Variants in UBA5 observed in about 807,000 individuals in gnomAD.
UBA5 encodes ubiquitin-like modifier-activating enzyme 5.
In UBA5, 28 loss-of-function variants were observed where a neutral mutation model predicts 52.9. The observed-to-expected ratio is 0.53, with a 90% CI of 0.39 to 0.73. The LOEUF is 0.73. Ranked by LOEUF, UBA5 falls within the 30% of genes least tolerant of loss-of-function variation. UBA5 has a pLI of 0.00. For missense variants in UBA5, 388 were observed against 492.7 expected (o/e 0.79, Z 2.01); for synonymous variants, 135 against 162.1 (o/e 0.83, Z 1.27).
At chr3:132,671,163 GT>G in intron 6 of UBA5, 114 bp downstream of exon 6, 1 of 844,786 alleles carries the variant, frequency 1.2e-6, no homozygotes, top group Non-Finnish European at 1.9e-6. Flanking sequence ...CCTTTTCTGT[GT>G]TTTATTTGTA....
rs1164955324 is a variant in UBA5, at chr3:132,679,661, T to G, written c.*3135T>G. ...TAGTTTTTCCTTTTATCAGGGTTCT[T>G]CTAGAGTACTGGTCTCATTATTTTC... On this transcript the variant is annotated 3_prime_UTR_variant, in exon 12 of 12. Coordinates refer to ENST00000356232, the MANE Select transcript of UBA5 (RefSeq NM_024818.6). Among the ~76,000 whole-genome samples the G allele has an allele frequency of 6.6e-6, 1 of 152,210 alleles. No individual in the cohort carries two copies. The highest frequency in any genetic ancestry group is 1.5e-5 in the Non-Finnish European group (1 of 68,030).
intron 11 of UBA5, 47 bp downstream of exon 11, chr3:132,675,970 A>G: frequency 8.3e-7 from 1 of 1,211,596 alleles, no homozygotes; most frequent in Non-Finnish European, 1.2e-6. Context: ...CATATAAAAT[A>G]TTTATCATCT....
chr3:132,664,487 A>G (rs757035355), intron 1 of UBA5, among the ~76,000 whole-genome samples: 16 of 152,136 alleles, frequency 1.1e-4, no homozygotes, highest in African/African-American at 1.9e-4. Flanking sequence ...ACAGCAAGAG[A>G]GTAAGTTTAA....
At chr3:132,674,852 AT>A (rs1417975441) in intron 8 of UBA5, among the ~76,000 whole-genome samples, 1 of 152,234 alleles carries the variant, frequency 6.6e-6, no homozygotes, top group East Asian at 1.9e-4. Flanking sequence ...AAATGTTAAA[AT>A]TAAGTAGCTT....
rs1343574249 is a variant in UBA5 at position 132,672,191 on chromosome 3, A to G, written c.812+14A>G. On this transcript the variant is annotated intron_variant, in intron 8 of 11. Coordinates refer to ENST00000356232, the MANE Select transcript of UBA5 (RefSeq NM_024818.6). ...AAACGTGTTAAAGTAAGTCAGGGCT[A>G]ATTTTTCTGAATAGTCTTGTATGCT... is the stretch of plus-strand genomic sequence containing the variant. The G allele has an allele frequency of 6.2e-7, 1 of 1,611,430 alleles. No homozygotes were observed. The highest frequency in any genetic ancestry group is 1.1e-5 in the South Asian group (1 of 90,242).
upstream of UBA5, among the ~76,000 whole-genome samples, chr3:132,656,213 A>G (rs1057190591): frequency 1.3e-5 from 2 of 152,158 alleles, no homozygotes; most frequent in Non-Finnish European, 2.9e-5. Flanking sequence ...ACTGCAATTT[A>G]TTCATCCATT....
chr3:132,655,452 C>T (rs1284812062), upstream of UBA5, among the ~76,000 whole-genome samples: 1 of 152,202 alleles, frequency 6.6e-6, no homozygotes, highest in Non-Finnish European at 1.5e-5. Flanking sequence ...CTTGCTTACA[C>T]TACTTCAGGC....
intron 1 of UBA5, chr3:132,661,145 C>G: frequency 9.5e-7 from 1 of 1,051,120 alleles, no homozygotes; most frequent in Admixed American, 2.6e-5. Context: ...TATTCGGGTG[C>G]TCCTTAACAT....
Position 132,676,610 on chromosome 3 carries a change from G to A in UBA5, c.*84G>A. The A allele has an allele frequency of 1.1e-6, 1 of 943,078 alleles. No homozygotes were observed. The highest frequency in any genetic ancestry group is 1.6e-6 in the Non-Finnish European group (1 of 612,400). The allele number at this position is 943,078 out of a possible 1,614,324, so 58.4% of individuals were successfully genotyped here. ...AAAAAATTTTAACTGATAAAACTTAGGGCAACATTAATTAATGTATATTCT... is the reference window on the plus strand; with the variant it reads ...AAAAAATTTTAACTGATAAAACTTAAGGCAACATTAATTAATGTATATTCT... On this transcript the variant is annotated 3_prime_UTR_variant, in exon 12 of 12. Transcript: ENST00000356232. This position sits in a 1 kb window ranked among gnomAD's most constrained non-coding sequence, Gnocchi z 4.1.
intron 8 of UBA5, among the ~76,000 whole-genome samples, chr3:132,674,380 G>A (rs1000626486): frequency 6.6e-6 from 1 of 152,000 alleles, no homozygotes; most frequent in East Asian, 1.9e-4. Context: ...TTACTTTTGC[G>A]CCAACCTAAT....
Position 132,673,908 on chromosome 3 carries a change from G to A in UBA5, c.813-1340G>A, listed in dbSNP as rs113774998. On this transcript the variant is annotated intron_variant, in intron 8 of 11. Coordinates refer to ENST00000356232, the MANE Select transcript of UBA5 (RefSeq NM_024818.6). ...TTGAACTCCTGGGCTCGAGCAGTCT[G>A]CCCATATCGACCTTCTAAAGTGCTA... Among the ~76,000 whole-genome samples, 184 of 152,130 alleles carry A rather than the reference G, an allele frequency of 1.2e-3. 1 individual carries two copies. The highest frequency in any genetic ancestry group is 3.8e-3 in the African/African-American group (157 of 41,504).
chr3:132,676,504 T>A lies in UBA5; in HGVS notation c.1193T>A (p.Met398Lys), dbSNP rs763145207. 11 of 1,610,114 alleles carry A rather than the reference T, an allele frequency of 6.8e-6. No homozygotes were observed. The highest frequency in any genetic ancestry group is 6.8e-6 in the Non-Finnish European group (8 of 1,178,322). Residue 398 changes from methionine to lysine, a missense_variant, in exon 12 of 12, where the codon ATG (methionine) becomes AAG (lysine). By Grantham distance (95) the Met-to-Lys change is moderately conservative (BLOSUM62 -1). Around this residue, in one of 3 missense-constraint regions of UBA5, gnomAD observed 277 missense variants for 326.4 expected, o/e 0.85. Transcript: ENST00000356232. This position sits in a 1 kb window ranked among gnomAD's most constrained non-coding sequence, Gnocchi z 4.1. ...TCTGGTGAAAGCTTGGAAGACCTCA[T>A]GGCCAAAATGAAGAATATGTAGATA... The part of the protein sequence containing the change: ...EDSGESLEDL[M>K]AKMKNM
exon 1 of UBA5, chr3:132,654,609 G>C (rs1420820486): frequency 2.6e-5 from 4 of 152,210 alleles, no homozygotes; most frequent in African/African-American, 9.6e-5. Context: ...TGAGAACTCT[G>C]AGGCCTCCTT....
upstream of UBA5, chr3:132,659,588 G>T (rs758333344): frequency 2.1e-5 from 33 of 1,608,264 alleles, no homozygotes; most frequent in Non-Finnish European, 2.6e-5. Flanking sequence ...TGGAGGCAAA[G>T]GCTGACATCC....
chr3:132,662,708 G>C (rs1228844686), intron 1 of UBA5, among the ~76,000 whole-genome samples: 2 of 152,156 alleles, frequency 1.3e-5, no homozygotes, highest in East Asian at 3.8e-4. Context: ...TATGTGTTAT[G>C]GAATATAGTT....
At chr3:132,675,188 G>T in intron 8 of UBA5, 60 bp from the exon 9 acceptor site, 4 of 1,222,000 alleles carry the variant, frequency 3.3e-6, no homozygotes, top group South Asian at 3.1e-5. Context: ...AAAAATTTAG[G>T]TGTTCTAGTA....
upstream of UBA5, among the ~76,000 whole-genome samples, chr3:132,657,531 C>G (rs538388424): frequency 6.6e-6 from 1 of 152,296 alleles, no homozygotes; most frequent in East Asian, 1.9e-4. Context: ...AAAAAGTTTG[C>G]AATATTGAAT....
chr3:132,664,629 T>C (rs975006086), intron 1 of UBA5, among the ~76,000 whole-genome samples: 1 of 152,132 alleles, frequency 6.6e-6, no homozygotes, highest in Non-Finnish European at 1.5e-5. Context: ...GCCTAAGAAA[T>C]TGCATTTCTA....
At chr3:132,671,685 C>A (rs1360458130) in intron 6 of UBA5, 92 bp from the exon 7 acceptor site, 1 of 985,700 alleles carries the variant, frequency 1.0e-6, no homozygotes, top group Non-Finnish European at 1.5e-6. Flanking sequence ...TTTTAAAAGA[C>A]CTTGGTAATC....
Sources: allele counts gnomAD v4.1 joint callset (sites outside exome capture counted in the v4.1 genomes callset), GRCh38; gene constraint gnomAD v4.1.1; regional missense constraint gnomAD v4.1.1; non-coding constraint Gnocchi (gnomAD v3.1); transcripts MANE v1.5; gene names NCBI Gene and HGNC (gene_info 2026-07-23, HGNC 2026-07-21).